Variants in FCRL3 observed in about 807,000 individuals in gnomAD.
FCRL3 encodes Fc receptor like 3, also known as Fc receptor-like protein 3.
In FCRL3, 89 loss-of-function variants were observed where a neutral mutation model predicts 75.0. The observed-to-expected ratio is 1.19, with a 90% CI of 1.00 to 1.42. The LOEUF is 1.42. Ranked by LOEUF, FCRL3 falls within the 40% of genes most tolerant of loss-of-function variation. FCRL3 has a pLI of 0.00. For synonymous variants in FCRL3, 376 were observed against 348.5 expected (o/e 1.08, Z -0.88); for missense variants, 946 against 880.0 (o/e 1.07, Z -0.95).
At chr1:157,699,670 G>A in intron 3 of FCRL3, 22 bp downstream of exon 3, 1 of 1,613,392 alleles carries the variant, frequency 6.2e-7, no homozygotes, top group Non-Finnish European at 8.5e-7. Context: ...GACCAGAGGG[G>A]CAGAGAGAAG....
rs915976122 is a variant in FCRL3 at position 157,678,237 on chromosome 1, C to T, written c.*473G>A. 21 of 987,882 alleles carry T rather than the reference C, an allele frequency of 2.1e-5. No individual in the cohort carries two copies. The highest frequency in any genetic ancestry group is 2.5e-5 in the Non-Finnish European group (21 of 831,744). The allele number at this position is 987,882 out of a possible 1,614,324, so 61.2% of individuals were successfully genotyped here. A position where few individuals can be genotyped will look rare whatever the true frequency, so the allele number is the denominator to read the frequency against. On this transcript the variant is annotated 3_prime_UTR_variant, in exon 15 of 15. Coordinates refer to ENST00000368184, the MANE Select transcript of FCRL3 (RefSeq NM_052939.4). The stretch of plus-strand genomic sequence containing the variant: ...TGTTCTATAACTTCTTTTGGCTGTT[C>T]CCAATATGGTAGCAAGGATACAGCA...
chr1:157,682,295 G>A (rs1654903872), intron 11 of FCRL3, among the ~76,000 whole-genome samples: 1 of 152,112 alleles, frequency 6.6e-6, no homozygotes, highest in Admixed American at 6.5e-5. Flanking sequence ...TGCTTTTGGT[G>A]TTTTAGACAC....
chr1:157,680,724 G>C lies in FCRL3; in HGVS notation c.2004C>G (p.Ile668Met), dbSNP rs764021849. 2.5e-6 allele frequency: 4 copies of C among 1,614,004 alleles called. No homozygotes were observed. The highest frequency in any genetic ancestry group is 3.4e-6 in the Non-Finnish European group (4 of 1,179,940). Residue 668 changes from isoleucine to methionine, a missense_variant, in exon 13 of 15, where the codon ATC (isoleucine) becomes ATG (methionine). Transcript: ENST00000368184. ...TACCTGAGTTTTCTTTTGTATGCTG[G>C]ATGCTCCAGATCTGGGAATAAATCG... ...SNPIYSQIWSIQHTKENSANC... is the reference protein window; with the variant it reads ...SNPIYSQIWSMQHTKENSANC...
rs575116273 is a variant in FCRL3, at chr1:157,697,015, A to G, written c.844+125T>C. On this transcript the variant is annotated intron_variant, in intron 6 of 14. Coordinates refer to ENST00000368184, the MANE Select transcript of FCRL3 (RefSeq NM_052939.4). ...TTAGACCAACGTTGAGCTTAAAGAG[A>G]GAAGATTACCAGAATAGCTGGACAC... 12 of 967,962 alleles carry G rather than the reference A, an allele frequency of 1.2e-5. No homozygotes were observed. In the East Asian group the frequency reaches 1.8e-4, roughly 15 times the overall value. 60.0% of individuals were successfully genotyped at this position (967,962 alleles called of 1,614,324 possible). A position where few individuals can be genotyped will look rare whatever the true frequency, so the allele number is the denominator to read the frequency against.
chr1:157,676,650 A>G lies in FCRL3; in HGVS notation c.*2060T>C. On this transcript the variant is annotated 3_prime_UTR_variant, in exon 15 of 15. Transcript: ENST00000368184. The stretch of plus-strand genomic sequence containing the variant: ...CAATCAGAATTTGCACATTTGTTAT[A>G]TCCGAGATGTACAGTTAGGACTCAC... 7.0e-7 allele frequency: 1 copy of G among 1,433,344 alleles called. No homozygotes were observed. Among genetic ancestry groups the G allele is most frequent in the South Asian group, 1.2e-5 (1 of 80,974 alleles). The allele number at this position is 1,433,344 out of a possible 1,614,324, so 88.8% of individuals were successfully genotyped here.
At position 157,697,905 on chromosome 1, in the gene FCRL3, G is replaced by A. The variant is rs764753581; in HGVS notation, c.313C>T (p.Gln105Ter). The A allele has an allele frequency of 1.1e-5, 17 of 1,613,776 alleles. No individual in the cohort carries two copies. The highest frequency in any genetic ancestry group is 7.6e-6 in the Non-Finnish European group (9 of 1,179,954). Reference sequence around the variant, plus strand: ...CCTTCAAAGACAGGATGTAAAGCCTGCAGGATCAGCCAGTCTGCAAAGAGC... The same window carrying A: ...CCTTCAAAGACAGGATGTAAAGCCTACAGGATCAGCCAGTCTGCAAAGAGC... ...VEFSPDWLIL[Q>*]ALHPVFEGDN... is the part of the protein sequence containing the mutation. Residue 105 changes from glutamine to a stop codon, truncating the protein, a stop_gained, in exon 5 of 15, where the codon CAG (glutamine) becomes TAG (stop). Transcript: ENST00000368184. LOFTEE classifies it high-confidence loss of function.
Position 157,696,284 on chromosome 1 carries a change from T to C in FCRL3, c.888A>G (p.Gly296=), listed in dbSNP as rs371493046. 69 of 1,613,910 alleles carry C rather than the reference T, an allele frequency of 4.3e-5. 1 individual carries two copies. Among genetic ancestry groups the C allele is most frequent in the Non-Finnish European group, 5.7e-5 (67 of 1,180,010 alleles). The stretch of plus-strand genomic sequence containing the variant: ...TATTTTCTCCTTCAATCAGCTGCCC[T>C]CCGGTGGGCCGGATCTCTAGATTCA... ...SNVNLEIRPT[G]GQLIEGENMV... The change falls in exon 7 of 15, where the codon GGA becomes GGG. Residue 296 remains glycine, a synonymous_variant. Transcript: ENST00000368184.
intron 9 of FCRL3, 130 bp from the exon 10 acceptor site, chr1:157,690,047 T>C: frequency 7.1e-7 from 1 of 1,410,254 alleles, no homozygotes; most frequent in Non-Finnish European, 9.7e-7. Context: ...TTCAAAACTA[T>C]GGCATATGAA....
chr1:157,679,427 G>A (rs1654679847), intron 13 of FCRL3, among the ~76,000 whole-genome samples: 1 of 152,158 alleles, frequency 6.6e-6, no homozygotes, highest in South Asian at 2.1e-4. Context: ...GAAGAGACCA[G>A]AGAGGAGATT....
chr1:157,697,150 T>C lies in FCRL3; in HGVS notation c.834A>G (p.Ile278Met), dbSNP rs755220542. Residue 278 changes from isoleucine (I) to methionine (M), a missense_variant, in exon 6 of 15, where the codon ATA becomes ATG. Ile to Met is a conservative substitution (Grantham distance 10). Transcript: ENST00000368184. ...SIKKRSLRSQIRVQRVPVSNV... is the reference protein window; with the variant it reads ...SIKKRSLRSQMRVQRVPVSNV... ...CCCTTAGACACTCACTCTGTACACG[T>C]ATCTGAGATCTCAGGCTCCTTTTTT... 2.8e-5 allele frequency: 42 copies of C among 1,507,304 alleles called. No individual in the cohort carries two copies. Among genetic ancestry groups the C allele is most frequent in the Admixed American group, 6.6e-5 (3 of 45,722 alleles). The allele number at this position is 1,507,304 out of a possible 1,614,324, so 93.4% of individuals were successfully genotyped here.
chr1:157,678,918 AG>A, intron 14 of FCRL3, 23 bp downstream of exon 14: 2 of 1,614,178 alleles, frequency 1.2e-6, no homozygotes, highest in South Asian at 2.2e-5. Context: ...CAGAGAGGAA[AG>A]AAAGCCAAGA....
chr1:157,679,828 C>CAAA lies in FCRL3; in HGVS notation c.2027-856_2027-855insTTT, dbSNP rs879258382. The stretch of plus-strand genomic sequence containing the variant: ...TGGGCGACAGAACGAGACCCCATCT[C>CAAA]ACAAAAAAAAAAAAAAAAAAAAAAA... On this transcript the variant is annotated intron_variant, in intron 13 of 14. Coordinates refer to ENST00000368184, the MANE Select transcript of FCRL3 (RefSeq NM_052939.4). 6.5e-3 allele frequency among the ~76,000 whole-genome samples: 181 copies of CAAA among 27,824 alleles called. 3 individuals carry two copies. Among genetic ancestry groups the CAAA allele is most frequent in the Middle Eastern group, 0.05 (1 of 20 alleles). The allele number at this position is 27,824 out of a possible 152,430, so 18.3% of individuals were successfully genotyped here. A position where few individuals can be genotyped will look rare whatever the true frequency, so the allele number is the denominator to read the frequency against.
In FCRL3 at chr1:157,690,480, C is replaced by A. The variant is rs6691220; in HGVS notation, c.1465G>T (p.Val489Leu). ...CAGTGAAGCTCCAGCAGGTCCCCCA[C>A]CACAGCCTGGGCCCCGGGAGCCCTG... ...TLRAPGAQAV[V>L]GDLLELHCES... The change falls in exon 9 of 15, where the codon GTG (valine) becomes TTG (leucine). Residue 489 changes from valine (V) to leucine (L), a missense_variant. Coordinates refer to ENST00000368184, the MANE Select transcript of FCRL3 (RefSeq NM_052939.4). The A allele has an allele frequency of 6.2e-7, 1 of 1,614,104 alleles. No homozygotes were observed. Among genetic ancestry groups the A allele is most frequent in the Admixed American group, 1.7e-5 (1 of 60,010 alleles).
rs1571213567 is a variant in FCRL3 at position 157,695,547 on chromosome 1, T to C, written c.1193A>G (p.Asp398Gly). 1 of 1,613,834 alleles carries C rather than the reference T, an allele frequency of 6.2e-7. No homozygotes were observed. Among genetic ancestry groups the C allele is most frequent in the Non-Finnish European group, 8.5e-7 (1 of 1,179,936 alleles). The change falls in exon 8 of 15, where the codon GAC becomes GGC. Residue 398 changes from aspartate to glycine, a missense_variant. By Grantham distance (94) the Asp-to-Gly change is moderately conservative (BLOSUM62 -1). Coordinates refer to ENST00000368184, the MANE Select transcript of FCRL3 (RefSeq NM_052939.4). Reference protein sequence around the residue: ...RAPRAHTVVGDLLELHCESLR... With the variant: ...RAPRAHTVVGGLLELHCESLR... ...GGACTCACAGTGAAGCTCCAGCAGGTCCCCCACCACAGTGTGGGCCCTGGG... is the reference window on the plus strand; with the variant it reads ...GGACTCACAGTGAAGCTCCAGCAGGCCCCCCACCACAGTGTGGGCCCTGGG...
Position 157,695,560 on chromosome 1 carries a change from T to G in FCRL3, c.1180A>C (p.Thr394Pro). 1 of 1,613,896 alleles carries G rather than the reference T, an allele frequency of 6.2e-7. No homozygotes were observed. The highest frequency in any genetic ancestry group is 8.5e-7 in the Non-Finnish European group (1 of 1,179,878). The change falls in exon 8 of 15, where the codon ACT becomes CCT. Residue 394 changes from threonine (T) to proline (P), a missense_variant. Physicochemically the swap from Thr to Pro is conservative, Grantham distance 38. Transcript: ENST00000368184. ...VLTFRAPRAH[T>P]VVGDLLELHC... ...AGCTCCAGCAGGTCCCCCACCACAGTGTGGGCCCTGGGAGCCCTGAAGGTG... is the reference window on the plus strand; with the variant it reads ...AGCTCCAGCAGGTCCCCCACCACAGGGTGGGCCCTGGGAGCCCTGAAGGTG...
rs776337703 is a variant in FCRL3 at position 157,690,263 on chromosome 1, T to C, written c.1682A>G (p.Asn561Ser). 13 of 1,614,086 alleles carry C rather than the reference T, an allele frequency of 8.1e-6. No individual in the cohort carries two copies. Among genetic ancestry groups the C allele is most frequent in the Non-Finnish European group, 1.1e-5 (13 of 1,180,024 alleles). Residue 561 changes from asparagine (N) to serine (S), a missense_variant, in exon 9 of 15, where the codon AAT becomes AGT. Asn to Ser is a conservative substitution (Grantham distance 46, BLOSUM62 1). Transcript: ENST00000368184. ...GAQHSKVVTLNVTGTSRNRTG... is the reference protein window; with the variant it reads ...GAQHSKVVTLSVTGTSRNRTG... ...AGGTACTATTAACACACCTGTAACA[T>C]TGAGTGTCACCACTTTACTGTGCTG...
intron 6 of FCRL3, 183 bp downstream of exon 6, chr1:157,696,957 C>G: frequency 6.6e-6 from 3 of 457,180 alleles, no homozygotes; most frequent in Non-Finnish European, 1.1e-5. Context: ...TTACTATTAC[C>G]TGACTCAAGT....
At chr1:157,688,116 T>C (rs763914788) in intron 10 of FCRL3, among the ~76,000 whole-genome samples, 4 of 151,930 alleles carry the variant, frequency 2.6e-5, no homozygotes, top group Non-Finnish European at 5.9e-5. Flanking sequence ...CTAGTGCAAA[T>C]GGTCTAAACA....
chr1:157,698,962 C>T (rs1477272756), intron 3 of FCRL3, among the ~76,000 whole-genome samples: 1 of 152,216 alleles, frequency 6.6e-6, no homozygotes. Context: ...TTGTCCTATA[C>T]ATTTCTGTCC....
Sources: allele counts gnomAD v4.1 joint callset (sites outside exome capture counted in the v4.1 genomes callset), GRCh38; gene constraint gnomAD v4.1.1; transcripts MANE v1.5; gene names NCBI Gene and HGNC (gene_info 2026-07-23, HGNC 2026-07-21).